The following ABHD3 variants were observed in gnomAD, a reference collection of about 807,000 sequenced individuals.
ABHD3 encodes phospholipase ABHD3.
In ABHD3, 46 loss-of-function variants were observed where a neutral mutation model predicts 48.8. The ratio of observed to expected loss-of-function variants is 0.94; its 90% CI spans 0.74 to 1.20. The LOEUF is 1.20. ABHD3 is among the 50% of genes most tolerant of loss of function. The pLI, the probability that ABHD3 is intolerant of heterozygous loss-of-function variation, is 0.00. For synonymous variants in ABHD3, 192 were observed against 183.7 expected, an observed-to-expected ratio of 1.04 and a Z score of -0.36; for missense variants, 490 against 497.8, an observed-to-expected ratio of 0.98 and a Z score of 0.15.
chr18:21,679,520 T>A (rs1371195528), intron 4 of ABHD3, among the ~76,000 whole-genome samples: 4 of 152,358 alleles, frequency 2.6e-5, no homozygotes, highest in South Asian at 4.1e-4. Context: ...AAACTTTTTT[T>A]AATTTTAATT....
chr18:21,680,874 GTGTGTGTA>G (rs1477047247), intron 4 of ABHD3, among the ~76,000 whole-genome samples: 2 of 150,804 alleles, frequency 1.3e-5, no homozygotes, highest in Non-Finnish European at 3.0e-5. Flanking sequence ...GTGTGTGTGT[GTGTGTGTA>G]TATATATATA....
chr18:21,663,754 A>G (rs1598517732), intron 5 of ABHD3: 1 of 1,535,516 alleles, frequency 6.5e-7, no homozygotes, highest in Non-Finnish European at 8.7e-7. Context: ...GGAGTGATGA[A>G]AGTCATGCTA....
chr18:21,674,611 T>C (rs549185791), intron 4 of ABHD3, among the ~76,000 whole-genome samples: 3 of 152,234 alleles, frequency 2.0e-5, no homozygotes, highest in South Asian at 4.1e-4. Flanking sequence ...TGGGAGAAAA[T>C]TCTCAAGGAT....
intron 5 of ABHD3, among the ~76,000 whole-genome samples, chr18:21,662,779 T>C (rs939884520): frequency 2.6e-5 from 4 of 152,176 alleles, no homozygotes; most frequent in Admixed American, 2.6e-4. Flanking sequence ...TAAAGGCTAA[T>C]GGTCAAGTTC....
chr18:21,665,693 T>C (rs2039606683), intron 4 of ABHD3, among the ~76,000 whole-genome samples: 1 of 151,440 alleles, frequency 6.6e-6, no homozygotes, highest in Non-Finnish European at 1.5e-5. Context: ...GGCGCTGTAG[T>C]CCCAGCTACT....
intron 3 of ABHD3, chr18:21,701,864 C>T (rs1191653550): frequency 6.6e-6 from 1 of 152,476 alleles, no homozygotes; most frequent in Admixed American, 6.5e-5. Context: ...TAAATAGGGA[C>T]AACCTACAAG....
chr18:21,657,767 C>T (rs528623624), intron 6 of ABHD3, among the ~76,000 whole-genome samples: 5 of 151,900 alleles, frequency 3.3e-5, no homozygotes, highest in Admixed American at 6.6e-5. Flanking sequence ...CTTAAAAGTA[C>T]GTAACAGTCA....
At chr18:21,657,069 A>C (rs1297069139) in intron 7 of ABHD3, 35 bp downstream of exon 7, 2 of 1,613,998 alleles carry the variant, frequency 1.2e-6, no homozygotes, top group East Asian at 2.2e-5. Context: ...GCCCAAAAGA[A>C]GAAATAAAAG....
In ABHD3 at chr18:21,704,691, C is replaced by T; in HGVS notation, c.-26G>A. On this transcript the variant is annotated 5_prime_UTR_variant, in exon 1 of 9. Coordinates refer to ENST00000289119, the MANE Select transcript of ABHD3 (RefSeq NM_138340.5). ...GGCCCCCGAGCGCGGCGCGCGGGTC[C>T]TGCGGCGGGAGGAGAGCCGGCTGGC... 1 of 1,418,290 alleles carries T rather than the reference C, an allele frequency of 7.1e-7. No homozygotes were observed. The highest frequency in any genetic ancestry group is 3.0e-5 in the East Asian group (1 of 33,752). 87.9% of individuals were successfully genotyped at this position (1,418,290 alleles called of 1,614,324 possible).
chr18:21,693,651 T>A (rs1040092705), intron 3 of ABHD3, among the ~76,000 whole-genome samples: 1 of 152,200 alleles, frequency 6.6e-6, no homozygotes, highest in Non-Finnish European at 1.5e-5. Context: ...ACCATAACTT[T>A]TTCTGGAATA....
At chr18:21,678,628 T>TACC (rs34260229) in intron 4 of ABHD3, among the ~76,000 whole-genome samples, 78,332 of 151,706 alleles carry the variant, frequency 0.52, 23,606 homozygotes, top group African/African-American at 0.84. Flanking sequence ...ATTTGTAAAT[T>TACC]ATTCCTAAAC....
chr18:21,703,664 C>G lies in ABHD3; in HGVS notation c.246G>C (p.Pro82=). The G allele has an allele frequency of 6.2e-7, 1 of 1,614,146 alleles. No homozygotes were observed. Among genetic ancestry groups the G allele is most frequent in the Non-Finnish European group, 8.5e-7 (1 of 1,180,024 alleles). Residue 82 remains proline (P), a synonymous_variant, in exon 2 of 9, where the codon CCG becomes CCC. Coordinates refer to ENST00000289119, the MANE Select transcript of ABHD3 (RefSeq NM_138340.5). ...CTCGACCCTCCCAGCACCAGACCGT[C>G]GGGTAGTACGTTTCTGTAACCACGG... ...HCPVVTETYY[P]TVWCWEGRGQ...
At chr18:21,684,719 G>T (rs1231697048) in intron 3 of ABHD3, among the ~76,000 whole-genome samples, 3 of 152,122 alleles carry the variant, frequency 2.0e-5, no homozygotes, top group African/African-American at 7.2e-5. Flanking sequence ...AACAGCTCTT[G>T]TTCTCTTAAG....
intron 1 of ABHD3, 41 bp downstream of exon 1, chr18:21,704,463 C>G: frequency 3.0e-6 from 4 of 1,324,782 alleles, no homozygotes; most frequent in Non-Finnish European, 3.9e-6. Flanking sequence ...ACCCTAGCTC[C>G]TGGCCCAGCA....
chr18:21,666,167 G>A (rs1314076850), intron 4 of ABHD3, among the ~76,000 whole-genome samples: 3 of 152,024 alleles, frequency 2.0e-5, no homozygotes, highest in Non-Finnish European at 2.9e-5. Context: ...CTGAGTAGCT[G>A]GGACTGCAGG....
At chr18:21,668,170 C>T (rs551834186) in intron 4 of ABHD3, among the ~76,000 whole-genome samples, 3 of 126,570 alleles carry the variant, frequency 2.4e-5, no homozygotes, top group South Asian at 5.1e-4. Context: ...CACTGCACTC[C>T]ACCCTGGGCA....
intron 4 of ABHD3, among the ~76,000 whole-genome samples, chr18:21,676,730 C>T (rs1248929725): frequency 1.3e-5 from 2 of 152,180 alleles, no homozygotes; most frequent in African/African-American, 4.8e-5. Flanking sequence ...CTTATCTTGT[C>T]TGGGACTAGA....
intron 4 of ABHD3, among the ~76,000 whole-genome samples, chr18:21,669,075 C>G (rs764378747): frequency 1.3e-5 from 2 of 151,904 alleles, no homozygotes; most frequent in Non-Finnish European, 2.9e-5. Context: ...AAAACAACAA[C>G]AACAAAAAAA....
chr18:21,698,502 A>G (rs773597849), intron 3 of ABHD3, among the ~76,000 whole-genome samples: 8 of 150,110 alleles, frequency 5.3e-5, no homozygotes, highest in Non-Finnish European at 8.9e-5. Flanking sequence ...AACATTTTCT[A>G]CCCTGGCCAG....
Sources: allele counts gnomAD v4.1 joint callset (sites outside exome capture counted in the v4.1 genomes callset), GRCh38; gene constraint gnomAD v4.1.1; transcripts MANE v1.5; gene names NCBI Gene and HGNC (gene_info 2026-07-23, HGNC 2026-07-21).